RNF144B: variants seen among roughly 807,000 people sequenced by gnomAD.
The protein encoded by RNF144B is E3 ubiquitin-protein ligase RNF144B.
Under a neutral mutation model 40.2 loss-of-function variants are expected in RNF144B, and 25 were observed. The ratio of observed to expected loss-of-function variants is 0.62; its 90% confidence interval spans 0.45 to 0.87. The LOEUF is 0.87. Among genes scored for constraint, RNF144B ranks in the 40% least tolerant of loss-of-function variants. The probability of loss-of-function intolerance (pLI) is 0.00; values close to 1 mark genes in which losing one functional copy is unlikely to be tolerated. For synonymous variants in RNF144B, 145 were observed against 136.3 expected, an observed-to-expected ratio of 1.06 and a Z score of -0.44; for missense variants, 365 against 373.7, an observed-to-expected ratio of 0.98 and a Z score of 0.19.
chr6:18,439,778 G>T (rs1562053449), intron 4 of RNF144B, 34 bp downstream of exon 4: 1 of 1,454,498 alleles, frequency 6.9e-7, no homozygotes, highest in South Asian at 1.1e-5. Flanking sequence ...GATGATGAAT[G>T]TGGTTTTACA....
chr6:18,464,834 C>A lies in RNF144B; in HGVS notation c.772-93C>A. On this transcript the variant is annotated intron_variant, in intron 7 of 7. Transcript: ENST00000259939. The surrounding 1 kb of genome is among the most constrained non-coding windows in gnomAD (Gnocchi z 6.1). ...CATATGAGCTTCAGGGGGACACAAA[C>A]ATTTGGCCCACAGCAGATAACAGTA... The A allele has an allele frequency of 2.4e-6, 3 of 1,246,742 alleles. No individual in the cohort carries two copies. The highest frequency in any genetic ancestry group is 3.4e-6 in the Non-Finnish European group (3 of 873,434). The allele number at this position is 1,246,742 out of a possible 1,614,324, so 77.2% of individuals were successfully genotyped here. A position where few individuals can be genotyped will look rare whatever the true frequency, so the allele number is the denominator to read the frequency against.
chr6:18,431,598 TA>T (rs1758697522), intron 3 of RNF144B, among the ~76,000 whole-genome samples: 4 of 152,228 alleles, frequency 2.6e-5, no homozygotes, highest in South Asian at 2.1e-4. Flanking sequence ...TTCTGCCTTT[TA>T]AAAAATGCTT....
Position 18,442,171 on chromosome 6 carries a change from A to G in RNF144B, c.331+2427A>G, listed in dbSNP as rs530455487. ...ATAGTGGTTGGCTTTTTGACTTTTC[A>G]GTAGTATTCAAACCTGCTTGTAACT... On this transcript the variant is annotated intron_variant, in intron 4 of 7. Coordinates refer to ENST00000259939, the MANE Select transcript of RNF144B (RefSeq NM_182757.4). This position sits in a 1 kb window ranked among gnomAD's most constrained non-coding sequence, Gnocchi z 4.3. Among the ~76,000 whole-genome samples the G allele has an allele frequency of 1.3e-5, 2 of 152,302 alleles. No individual in the cohort carries two copies. The highest frequency in any genetic ancestry group is 2.9e-5 in the Non-Finnish European group (2 of 68,024).
rs896462761 is a variant in RNF144B, at chr6:18,398,620, C to T, written c.-36-879C>T. On this transcript the variant is annotated intron_variant, in intron 1 of 7. Transcript: ENST00000259939. The surrounding 1 kb of genome is among the most constrained non-coding windows in gnomAD (Gnocchi z 5.0). ...TGTTGGCCAGGCTGGTCTTGAACTCCTGACCTCAAGCAATCCACCTGCCTC... is the reference window on the plus strand; with the variant it reads ...TGTTGGCCAGGCTGGTCTTGAACTCTTGACCTCAAGCAATCCACCTGCCTC... 6.6e-6 allele frequency among the ~76,000 whole-genome samples: 1 copy of T among 152,176 alleles called. No individual in the cohort carries two copies. The highest frequency in any genetic ancestry group is 2.4e-5 in the African/African-American group (1 of 41,448).
rs1381522797 is a variant in RNF144B, at chr6:18,444,409, A to C, written c.331+4665A>C. On this transcript the variant is annotated intron_variant, in intron 4 of 7. Transcript: ENST00000259939. This position sits in a 1 kb window ranked among gnomAD's most constrained non-coding sequence, Gnocchi z 4.3. ...TGGTTCTCAAAGTACATGCCCGATG[A>C]TTAATGCAAGAATTTTTCTTGCCTC... Among the ~76,000 whole-genome samples the C allele has an allele frequency of 6.6e-6, 1 of 152,146 alleles. No homozygotes were observed. The highest frequency in any genetic ancestry group is 1.5e-5 in the Non-Finnish European group (1 of 68,018).
chr6:18,423,134 G>A (rs151136621), intron 2 of RNF144B, among the ~76,000 whole-genome samples: 30 of 152,018 alleles, frequency 2.0e-4, no homozygotes, highest in African/African-American at 6.0e-4. Context: ...TATACTTTAC[G>A]TTTGCATACC....
At chr6:18,404,755 A>G (rs1335751082) in intron 2 of RNF144B, among the ~76,000 whole-genome samples, 1 of 152,254 alleles carries the variant, frequency 6.6e-6, no homozygotes, top group Non-Finnish European at 1.5e-5. Context: ...GAGCACATTT[A>G]TGGTGGATAT....
At chr6:18,445,972 A>G (rs1219204806) in intron 4 of RNF144B, among the ~76,000 whole-genome samples, 3 of 152,110 alleles carry the variant, frequency 2.0e-5, no homozygotes, top group Non-Finnish European at 2.9e-5. Flanking sequence ...ATATCCTGTG[A>G]CTCCTGTGGG....
rs1408267 is a variant in RNF144B at position 18,422,318 on chromosome 6, T to C, written c.166-5263T>C. On this transcript the variant is annotated intron_variant, in intron 2 of 7. Coordinates refer to ENST00000259939, the MANE Select transcript of RNF144B (RefSeq NM_182757.4). The surrounding 1 kb of genome is among the most constrained non-coding windows in gnomAD (Gnocchi z 4.7). ...TGAAGTGGAATAAGCAGAATGTTGT[T>C]CTCAGTGTGAGATGTTATTTAGAAC... Among the ~76,000 whole-genome samples, 37,915 of 152,082 alleles carry C rather than the reference T, an allele frequency of 0.25. 4,964 individuals are homozygous for C. The highest frequency in any genetic ancestry group is 0.33 in the African/African-American group (13,709 of 41,470).
chr6:18,399,730 A>C, intron 2 of RNF144B, 31 bp downstream of exon 2: 2 of 1,552,900 alleles, frequency 1.3e-6, no homozygotes, highest in Non-Finnish European at 1.8e-6. Flanking sequence ...TCACTATGAG[A>C]AAATACAAAG....
chr6:18,405,375 C>T lies in RNF144B; in HGVS notation c.165+5676C>T, dbSNP rs1415142492. ...TATTTTTAGTTGAGTTGGGGTTTCA[C>T]TATGTAGGTCAGGCTGGTCTTGAAC... is the stretch of plus-strand genomic sequence containing the variant. On this transcript the variant is annotated intron_variant, in intron 2 of 7. Coordinates refer to ENST00000259939, the MANE Select transcript of RNF144B (RefSeq NM_182757.4). This position sits in a 1 kb window ranked among gnomAD's most constrained non-coding sequence, Gnocchi z 4.5. Among the ~76,000 whole-genome samples, 2 of 151,876 alleles carry T rather than the reference C, an allele frequency of 1.3e-5. No homozygotes were observed. The highest frequency in any genetic ancestry group is 4.8e-5 in the African/African-American group (2 of 41,370).
rs1001109837 is a variant in RNF144B, at chr6:18,450,377, G to A, written c.332-6778G>A. Among the ~76,000 whole-genome samples, 36 of 151,804 alleles carry A rather than the reference G, an allele frequency of 2.4e-4. No homozygotes were observed. The highest frequency in any genetic ancestry group is 5.8e-4 in the African/African-American group (24 of 41,400). ...CAGTGGCAATATTTCAGCTTACTGC[G>A]ATCTCCGCCTCCCGGGTTCAAGTGA... On this transcript the variant is annotated intron_variant, in intron 4 of 7. Coordinates refer to ENST00000259939, the MANE Select transcript of RNF144B (RefSeq NM_182757.4). The surrounding 1 kb of genome is among the most constrained non-coding windows in gnomAD (Gnocchi z 4.7).
chr6:18,454,641 C>G (rs1057394146), intron 4 of RNF144B, among the ~76,000 whole-genome samples: 1 of 152,192 alleles, frequency 6.6e-6, no homozygotes, highest in Non-Finnish European at 1.5e-5. Flanking sequence ...CAAACTCTTT[C>G]CTTGCTTTCA....
intron 1 of RNF144B, among the ~76,000 whole-genome samples, chr6:18,392,516 A>AT (rs1794605009): frequency 6.6e-6 from 1 of 151,872 alleles, no homozygotes; most frequent in Non-Finnish European, 1.5e-5. Flanking sequence ...TATCAGTTCC[A>AT]TTTTTAGAAG....
rs1362897964 is a variant in RNF144B at position 18,434,311 on chromosome 6, T to C, written c.271-5373T>C. ...CACACCACTTTTGGCATAAATACTT[T>C]TGTGGTGAGCAGGCTTCACTTTCTG... On this transcript the variant is annotated intron_variant, in intron 3 of 7. Transcript: ENST00000259939. The surrounding 1 kb of genome is among the most constrained non-coding windows in gnomAD (Gnocchi z 4.1). Among the ~76,000 whole-genome samples, 4 of 152,232 alleles carry C rather than the reference T, an allele frequency of 2.6e-5. No homozygotes were observed. The highest frequency in any genetic ancestry group is 6.5e-5 in the Admixed American group (1 of 15,284).
In RNF144B at chr6:18,460,931, CA is replaced by C. The variant is rs1458145599; in HGVS notation, c.681+1181del. On this transcript the variant is annotated intron_variant, in intron 6 of 7. Coordinates refer to ENST00000259939, the MANE Select transcript of RNF144B (RefSeq NM_182757.4). The surrounding 1 kb of genome is among the most constrained non-coding windows in gnomAD (Gnocchi z 4.4). ...TTGGACCTCTAAAATATGTCCATAT[CA>C]GCGTAAGCCCTCAGTTACCATTGAG... Among the ~76,000 whole-genome samples the C allele has an allele frequency of 2.0e-5, 3 of 152,198 alleles. No individual in the cohort carries two copies. The highest frequency in any genetic ancestry group is 2.1e-4 in the South Asian group (1 of 4,830).
At chr6:18,423,840 A>T (rs767592812) in intron 2 of RNF144B, among the ~76,000 whole-genome samples, 1 of 152,232 alleles carries the variant, frequency 6.6e-6, no homozygotes, top group Non-Finnish European at 1.5e-5. Flanking sequence ...AATGTTGACT[A>T]TACAAAAGAA....
chr6:18,449,973 A>G (rs1312213228), intron 4 of RNF144B, among the ~76,000 whole-genome samples: 5 of 152,188 alleles, frequency 3.3e-5, no homozygotes, highest in African/African-American at 9.6e-5. Context: ...AACAAATTGT[A>G]TAAGTATTCT....
chr6:18,460,832 TCTTA>T lies in RNF144B; in HGVS notation c.681+1085_681+1088del, dbSNP rs1014767980. ...GCGATGCAAAGAGTTGGTGAGAAGGTCTTACTTCACTTCTGGTCTTTTAAAGTTT... is the reference window on the plus strand; with the variant it reads ...GCGATGCAAAGAGTTGGTGAGAAGGTCTTCACTTCTGGTCTTTTAAAGTTT... On this transcript the variant is annotated intron_variant, in intron 6 of 7. Transcript: ENST00000259939. This position sits in a 1 kb window ranked among gnomAD's most constrained non-coding sequence, Gnocchi z 4.4. 5.3e-5 allele frequency among the ~76,000 whole-genome samples: 8 copies of T among 152,188 alleles called. No homozygotes were observed. The highest frequency in any genetic ancestry group is 2.9e-5 in the Non-Finnish European group (2 of 68,026).
Sources: gnomAD v4.1 joint callset for allele counts (sites outside exome capture counted in the v4.1 genomes callset) on GRCh38, gnomAD v4.1.1 for gene constraint, Gnocchi (gnomAD v3.1) non-coding constraint, MANE v1.5 for transcripts, NCBI Gene and HGNC (gene_info 2026-07-23, HGNC 2026-07-21) for gene names.